The following PTPRM variants were observed in gnomAD, a reference collection of about 807,000 sequenced individuals.
PTPRM encodes the protein protein tyrosine phosphatase receptor type M, also known as receptor-type tyrosine-protein phosphatase mu.
PTPRM carries 47 observed loss-of-function variants against 186.7 expected under a neutral mutation model. That is an observed-to-expected ratio of 0.25 (90% CI 0.20 to 0.32). The LOEUF (loss-of-function observed/expected upper bound fraction) is 0.32, where lower values mean the gene tolerates loss of function less well. PTPRM is among the 10% of genes least tolerant of loss of function. The pLI is 1.00. For synonymous variants in PTPRM, 668 were observed against 674.9 expected, an observed-to-expected ratio of 0.99 and a Z score of 0.16; for missense variants, 1,494 against 1,865.0, an observed-to-expected ratio of 0.80 and a Z score of 3.66.
intron 2 of PTPRM, among the ~76,000 whole-genome samples, chr18:7,842,887 G>GCGTA (rs1555616840): frequency 7.9e-6 from 1 of 127,212 alleles, no homozygotes; most frequent in Non-Finnish European, 1.6e-5. Flanking sequence ...TTTCTCGTGT[G>GCGTA]TATATATATA....
chr18:8,292,362 A>G (rs2095051938), intron 19 of PTPRM, among the ~76,000 whole-genome samples: 1 of 152,234 alleles, frequency 6.6e-6, no homozygotes, highest in Non-Finnish European at 1.5e-5. Flanking sequence ...CAACCAATCT[A>G]GAAAGCCTTT....
chr18:8,239,129 A>G (rs931382257), intron 14 of PTPRM, among the ~76,000 whole-genome samples: 1 of 138,552 alleles, frequency 7.2e-6, no homozygotes, highest in Non-Finnish European at 1.6e-5. Flanking sequence ...ATATCTCCTA[A>G]TGCTATCCCT....
At chr18:8,017,002 A>G (rs551570893) in intron 7 of PTPRM, among the ~76,000 whole-genome samples, 1 of 152,204 alleles carries the variant, frequency 6.6e-6, no homozygotes, top group African/African-American at 2.4e-5. Flanking sequence ...AAGGGTTTGC[A>G]TGTTCATTAT....
chr18:8,398,555 C>G (rs557750485), intron 32 of PTPRM, among the ~76,000 whole-genome samples: 53 of 152,168 alleles, frequency 3.5e-4, no homozygotes, highest in African/African-American at 1.3e-3. Flanking sequence ...CACCTGAGGT[C>G]AGGAGTTTGA....
intron 5 of PTPRM, among the ~76,000 whole-genome samples, chr18:7,947,224 G>A (rs2052594834): frequency 6.6e-6 from 1 of 152,160 alleles, no homozygotes; most frequent in Non-Finnish European, 1.5e-5. Flanking sequence ...CTGCATGGTG[G>A]AATTGTTATG....
chr18:7,826,975 A>G (rs1044310192), intron 2 of PTPRM, among the ~76,000 whole-genome samples: 1 of 152,050 alleles, frequency 6.6e-6, no homozygotes, highest in African/African-American at 2.4e-5. Flanking sequence ...GGTGATATTC[A>G]CCTATAATCC....
intron 19 of PTPRM, among the ~76,000 whole-genome samples, chr18:8,285,298 G>C (rs2094944457): frequency 6.6e-6 from 1 of 152,098 alleles, no homozygotes; most frequent in Non-Finnish European, 1.5e-5. Flanking sequence ...ACACAGTTAG[G>C]AATCAGTCAG....
At chr18:7,865,281 G>A (rs1329469997) in intron 2 of PTPRM, among the ~76,000 whole-genome samples, 2 of 150,844 alleles carry the variant, frequency 1.3e-5, no homozygotes, top group South Asian at 2.1e-4. Context: ...GTGCCAGAAT[G>A]CTTCCAGTTT....
chr18:8,223,647 G>C (rs937471629), intron 14 of PTPRM, among the ~76,000 whole-genome samples: 1 of 152,168 alleles, frequency 6.6e-6, no homozygotes, highest in African/African-American at 2.4e-5. Flanking sequence ...ATTTGCACCT[G>C]ATTGAAGATG....
At chr18:8,235,456 C>CT (rs58166609) in intron 14 of PTPRM, among the ~76,000 whole-genome samples, 1,304 of 102,228 alleles carry the variant, frequency 0.013, 25 homozygotes, top group African/African-American at 0.037. Flanking sequence ...TCTGTGTCTT[C>CT]TTTTTTTTTT....
intron 7 of PTPRM, among the ~76,000 whole-genome samples, chr18:7,965,125 A>C (rs1297889896): frequency 6.8e-6 from 1 of 147,110 alleles, no homozygotes; most frequent in Non-Finnish European, 1.5e-5. Context: ...GGCTCACTGC[A>C]ACCTCCGCCT....
intron 14 of PTPRM, among the ~76,000 whole-genome samples, chr18:8,156,074 T>C (rs909883746): frequency 1.3e-5 from 2 of 152,216 alleles, no homozygotes; most frequent in Non-Finnish European, 2.9e-5. Flanking sequence ...TCTCAGTCTA[T>C]CAATTAGCTG....
At chr18:7,733,394 GT>G (rs926605708) in intron 1 of PTPRM, among the ~76,000 whole-genome samples, 14 of 152,184 alleles carry the variant, frequency 9.2e-5, no homozygotes, top group African/African-American at 2.9e-4. Context: ...CTTCATCCAT[GT>G]CCCTGCAAAG....
At chr18:8,198,782 C>A (rs930118142) in intron 14 of PTPRM, among the ~76,000 whole-genome samples, 1 of 152,102 alleles carries the variant, frequency 6.6e-6, no homozygotes, top group African/African-American at 2.4e-5. Context: ...ACATATTGCC[C>A]AGTTAGATGG....
chr18:7,928,486 T>C (rs1036015029), intron 5 of PTPRM, among the ~76,000 whole-genome samples: 1 of 152,196 alleles, frequency 6.6e-6, no homozygotes, highest in African/African-American at 2.4e-5. Context: ...ACAATCAAGA[T>C]TGGCCATCTG....
chr18:8,304,058 CCTTAT>C (rs1335726171), intron 20 of PTPRM, among the ~76,000 whole-genome samples: 1 of 152,154 alleles, frequency 6.6e-6, no homozygotes, highest in Admixed American at 6.5e-5. Flanking sequence ...TTCCAATTTA[CCTTAT>C]ATATGTCACC....
intron 1 of PTPRM, among the ~76,000 whole-genome samples, chr18:7,575,395 A>G (rs2036663996): frequency 6.6e-6 from 1 of 152,152 alleles, no homozygotes; most frequent in Non-Finnish European, 1.5e-5. Flanking sequence ...AAGGCACGAG[A>G]GCGGACTTTC....
intron 1 of PTPRM, among the ~76,000 whole-genome samples, chr18:7,581,801 A>G (rs1457311187): frequency 1.3e-5 from 2 of 151,724 alleles, no homozygotes; most frequent in Non-Finnish European, 2.9e-5. Flanking sequence ...CCCAAGCAGC[A>G]TGCGGCACTA....
chr18:8,023,125 A>C (rs1183272535), intron 7 of PTPRM, among the ~76,000 whole-genome samples: 2 of 152,110 alleles, frequency 1.3e-5, no homozygotes, highest in Non-Finnish European at 2.9e-5. Context: ...GAAGGACAAG[A>C]GCCAGGGCAT....
Sources: allele counts gnomAD v4.1 joint callset (sites outside exome capture counted in the v4.1 genomes callset), GRCh38; gene constraint gnomAD v4.1.1; transcripts MANE v1.5; gene names NCBI Gene and HGNC (gene_info 2026-07-23, HGNC 2026-07-21).